PTPN12: variants seen among roughly 807,000 people sequenced by gnomAD.
PTPN12 encodes tyrosine-protein phosphatase non-receptor type 12.
In PTPN12, 29 loss-of-function variants were observed where a neutral mutation model predicts 97.6. The ratio of observed to expected loss-of-function variants is 0.30; its 90% CI spans 0.22 to 0.41. PTPN12 has a LOEUF of 0.41. Among genes scored for constraint, PTPN12 ranks in the 10% least tolerant of loss-of-function variants. The probability of loss-of-function intolerance (pLI) is 1.00; values close to 1 mark genes in which losing one functional copy is unlikely to be tolerated. For missense variants in PTPN12, 819 were observed against 926.0 expected, an observed-to-expected ratio of 0.88 and a Z score of 1.50; for synonymous variants, 327 against 300.4, an observed-to-expected ratio of 1.09 and a Z score of -0.91.
chr7:77,540,243 C>CTTTCTTTTT (rs1554307476), intron 1 of PTPN12, among the ~76,000 whole-genome samples: 1 of 140,464 alleles, frequency 7.1e-6, no homozygotes, highest in Non-Finnish European at 1.5e-5. Context: ...TTCTTTCTTT[C>CTTTCTTTTT]TTTTTTTTTT....
At chr7:77,593,308 G>T (rs928569058) in intron 6 of PTPN12, among the ~76,000 whole-genome samples, 2 of 152,080 alleles carry the variant, frequency 1.3e-5, no homozygotes. Context: ...CCTATATTAG[G>T]GTTCTCCAGA....
chr7:77,612,790 T>G (rs2868786), intron 11 of PTPN12, among the ~76,000 whole-genome samples: 63,499 of 151,204 alleles, frequency 0.42, 14,725 homozygotes, highest in East Asian at 0.74. Context: ...TTTTTTGGTT[T>G]TTGGTTTTTT....
At chr7:77,578,111 C>T (rs1787396544) in intron 2 of PTPN12, among the ~76,000 whole-genome samples, 1 of 152,184 alleles carries the variant, frequency 6.6e-6, no homozygotes, top group Non-Finnish European at 1.5e-5. Context: ...TTTGGATTTA[C>T]AGTCACCAGA....
At chr7:77,543,368 G>A (rs1405015909) in intron 1 of PTPN12, among the ~76,000 whole-genome samples, 4 of 145,894 alleles carry the variant, frequency 2.7e-5, no homozygotes, top group Non-Finnish European at 4.5e-5. Flanking sequence ...TTTAAAGAGA[G>A]AACTAGAGAA....
At chr7:77,570,712 GA>G (rs1787095600) in intron 1 of PTPN12, among the ~76,000 whole-genome samples, 1 of 152,206 alleles carries the variant, frequency 6.6e-6, no homozygotes, top group Non-Finnish European at 1.5e-5. Context: ...ATTGAGAGAA[GA>G]AAATTCTTTT....
At chr7:77,542,674 C>T (rs1404482363) in intron 1 of PTPN12, among the ~76,000 whole-genome samples, 1 of 152,012 alleles carries the variant, frequency 6.6e-6, no homozygotes, top group Non-Finnish European at 1.5e-5. Flanking sequence ...GTATCTGTCA[C>T]CCAAGCTAGA....
At chr7:77,626,071 G>A (rs1789169784) in intron 12 of PTPN12, among the ~76,000 whole-genome samples, 1 of 152,136 alleles carries the variant, frequency 6.6e-6, no homozygotes, top group Non-Finnish European at 1.5e-5. Context: ...GATGTCTGTG[G>A]TATTGATACT....
In PTPN12 at chr7:77,626,784, T is replaced by C. The variant is rs1789201516; in HGVS notation, c.1105T>C (p.Ser369Pro). ...TCCAGTGCCACCCATCTTGACACCT[T>C]CTCCCCCTTCAGCTTTTCCAACAGT... ...PHPVPPILTPSPPSAFPTVTT... is the reference protein window; with the variant it reads ...PHPVPPILTPPPPSAFPTVTT... The change falls in exon 13 of 18, where the codon TCT becomes CCT. Residue 369 changes from serine to proline, a missense_variant. Transcript: ENST00000248594. 5.0e-6 allele frequency: 8 copies of C among 1,613,898 alleles called. No homozygotes were observed. The highest frequency in any genetic ancestry group is 6.8e-6 in the Non-Finnish European group (8 of 1,179,870).
chr7:77,571,041 T>G (rs1787108244), intron 1 of PTPN12, 37 bp from the exon 2 acceptor site: 7 of 1,383,810 alleles, frequency 5.1e-6, no homozygotes, highest in Non-Finnish European at 6.9e-6. Flanking sequence ...ATATCACTGT[T>G]TCTCTAAACT....
intron 1 of PTPN12, among the ~76,000 whole-genome samples, chr7:77,547,518 C>A (rs1807280430): frequency 6.6e-6 from 1 of 152,134 alleles, no homozygotes; most frequent in Non-Finnish European, 1.5e-5. Context: ...TAATTTCTAT[C>A]CTGGCCCTGC....
intron 7 of PTPN12, among the ~76,000 whole-genome samples, chr7:77,598,351 C>G (rs1788086279): frequency 6.6e-6 from 1 of 152,124 alleles, no homozygotes; most frequent in African/African-American, 2.4e-5. Flanking sequence ...TTATACAATA[C>G]ACCCATGTAA....
chr7:77,587,284 T>A (rs186983023), intron 5 of PTPN12, among the ~76,000 whole-genome samples: 1 of 152,314 alleles, frequency 6.6e-6, no homozygotes, highest in Non-Finnish European at 1.5e-5. Flanking sequence ...GCAGAATGGA[T>A]GTTGTATTAG....
At chr7:77,607,033 T>A in intron 8 of PTPN12, 1 of 391,742 alleles carries the variant, frequency 2.6e-6, no homozygotes, top group Non-Finnish European at 4.6e-6. Flanking sequence ...ATAGGAAAAA[T>A]CATAGTGTAT....
chr7:77,538,398 A>G (rs1474192107), intron 1 of PTPN12, among the ~76,000 whole-genome samples: 1 of 126,796 alleles, frequency 7.9e-6, no homozygotes, highest in Non-Finnish European at 1.6e-5. Context: ...CCCAGGGGAT[A>G]TTGCCGAAGG....
intron 1 of PTPN12, among the ~76,000 whole-genome samples, chr7:77,562,041 C>T (rs531289824): frequency 8.6e-5 from 13 of 150,326 alleles, no homozygotes; most frequent in African/African-American, 2.2e-4. Flanking sequence ...CTGCCCGCCT[C>T]GGCCTACCAA....
chr7:77,544,500 A>C (rs928455208), intron 1 of PTPN12, among the ~76,000 whole-genome samples: 1 of 152,248 alleles, frequency 6.6e-6, no homozygotes, highest in Admixed American at 6.5e-5. Context: ...ATTCTCAAGA[A>C]TGTTTTACTT....
chr7:77,604,209 CTTTTTTTTTTTTTTTT>C (rs71082768), intron 8 of PTPN12, among the ~76,000 whole-genome samples: 2 of 52,790 alleles, frequency 3.8e-5, no homozygotes, highest in Admixed American at 3.4e-4. Context: ...TTTTTTCTTC[CTTTTTTTTTTTTTTTT>C]TTTTTTTTGA....
chr7:77,571,852 CCT>C (rs1787154355), intron 2 of PTPN12, among the ~76,000 whole-genome samples: 1 of 152,098 alleles, frequency 6.6e-6, no homozygotes, highest in South Asian at 2.1e-4. Flanking sequence ...GCCACTGCGC[CCT>C]GTCTGTATTC....
chr7:77,609,894 C>CAA (rs767927688), intron 9 of PTPN12, among the ~76,000 whole-genome samples: 97 of 143,952 alleles, frequency 6.7e-4, no homozygotes, highest in South Asian at 2.8e-3. Flanking sequence ...AAAAAAACAA[C>CAA]AAAAAAAAAA....
Sources: allele counts gnomAD v4.1 joint callset (sites outside exome capture counted in the v4.1 genomes callset), GRCh38; gene constraint gnomAD v4.1.1; transcripts MANE v1.5; gene names NCBI Gene and HGNC (gene_info 2026-07-23, HGNC 2026-07-21).